Variants in PARD3B observed in about 807,000 individuals in gnomAD.
The protein encoded by PARD3B is par-3 family cell polarity regulator beta.
Under a neutral mutation model 130.2 loss-of-function variants are expected in PARD3B, and 103 were observed. The ratio of observed to expected loss-of-function variants is 0.79; its 90% CI spans 0.67 to 0.93. The LOEUF is 0.93. PARD3B is among the 40% of genes least tolerant of loss of function. PARD3B has a pLI of 0.00. For missense variants in PARD3B, 1,609 were observed against 1,499.2 expected (o/e 1.07, Z -1.21); for synonymous variants, 583 against 553.2 (o/e 1.05, Z -0.76).
At chr2:204,575,793 T>C (rs1215410674) in intron 1 of PARD3B, among the ~76,000 whole-genome samples, 1 of 152,206 alleles carries the variant, frequency 6.6e-6, no homozygotes, top group Admixed American at 6.5e-5. Context: ...AGTTCAGCTT[T>C]TGTGGTCTTG....
intron 20 of PARD3B, among the ~76,000 whole-genome samples, chr2:205,453,577 A>G (rs1373549724): frequency 1.3e-5 from 2 of 152,158 alleles, no homozygotes; most frequent in South Asian, 2.1e-4. Flanking sequence ...AAACTTACCT[A>G]TGGTGACACA....
chr2:205,210,684 G>C (rs968572427), intron 15 of PARD3B, among the ~76,000 whole-genome samples: 1 of 151,978 alleles, frequency 6.6e-6, no homozygotes, highest in African/African-American at 2.4e-5. Flanking sequence ...AGTTTTGCTC[G>C]TATCAGCAGT....
At chr2:204,940,764 T>C (rs901124504) in intron 2 of PARD3B, among the ~76,000 whole-genome samples, 1 of 152,126 alleles carries the variant, frequency 6.6e-6, no homozygotes, top group Non-Finnish European at 1.5e-5. Context: ...GAACTGCTAG[T>C]TGACATTCCA....
chr2:205,602,023 G>A (rs1161584715), intron 22 of PARD3B, among the ~76,000 whole-genome samples: 4 of 152,024 alleles, frequency 2.6e-5, no homozygotes, highest in African/African-American at 7.2e-5. Context: ...TGTGATATAT[G>A]GCTTTTATTA....
chr2:204,694,004 T>C (rs987134663), intron 2 of PARD3B, among the ~76,000 whole-genome samples: 1 of 152,058 alleles, frequency 6.6e-6, no homozygotes. Context: ...TTTGAGGTTT[T>C]GAATAAGCCA....
At chr2:205,154,770 A>G (rs2034001339) in intron 10 of PARD3B, among the ~76,000 whole-genome samples, 1 of 152,212 alleles carries the variant, frequency 6.6e-6, no homozygotes, top group African/African-American at 2.4e-5. Context: ...GCTGGAAACC[A>G]TCATTCTGAG....
chr2:205,504,302 C>T (rs2050267429), intron 21 of PARD3B, among the ~76,000 whole-genome samples: 1 of 152,070 alleles, frequency 6.6e-6, no homozygotes, highest in African/African-American at 2.4e-5. Context: ...AGAAGAAAAC[C>T]TAGGCAATAC....
chr2:205,496,942 G>C (rs1186357399), intron 20 of PARD3B, among the ~76,000 whole-genome samples: 4 of 151,702 alleles, frequency 2.6e-5, no homozygotes, highest in African/African-American at 9.7e-5. Context: ...TGGTGAGTTT[G>C]AACGCAGCTC....
chr2:205,321,469 T>G lies in PARD3B; in HGVS notation c.2630+19768T>G, dbSNP rs1458402508. Among the ~76,000 whole-genome samples, 7 of 152,074 alleles carry G rather than the reference T, an allele frequency of 4.6e-5. No individual in the cohort carries two copies. Among genetic ancestry groups the G allele is most frequent in the Non-Finnish European group, 8.8e-5 (6 of 68,010 alleles). Reference sequence around the variant, plus strand: ...CTCTCTCTCTTTCTCTCTCTTCCTCTCTCTCTTTCCCTCTCTCTCTCTCTC... The same window carrying G: ...CTCTCTCTCTTTCTCTCTCTTCCTCGCTCTCTTTCCCTCTCTCTCTCTCTC... On this transcript the variant is annotated intron_variant, in intron 18 of 22. Coordinates refer to ENST00000406610, the MANE Select transcript of PARD3B (RefSeq NM_001302769.2). The surrounding 1 kb of genome is among the most constrained non-coding windows in gnomAD (Gnocchi z 4.2).
intron 2 of PARD3B, among the ~76,000 whole-genome samples, chr2:204,742,670 T>C (rs2040058255): frequency 6.6e-6 from 1 of 152,230 alleles, no homozygotes; most frequent in Non-Finnish European, 1.5e-5. Flanking sequence ...TAGCACTGTG[T>C]AAACTCATTC....
intron 3 of PARD3B, among the ~76,000 whole-genome samples, chr2:205,001,215 C>T (rs1397813690): frequency 1.3e-5 from 2 of 152,136 alleles, no homozygotes; most frequent in Admixed American, 6.5e-5. Flanking sequence ...TCTCGAACTC[C>T]TGACCTCAGG....
chr2:205,449,185 A>T (rs1214832803), intron 20 of PARD3B, among the ~76,000 whole-genome samples: 1 of 151,456 alleles, frequency 6.6e-6, no homozygotes, highest in Non-Finnish European at 1.5e-5. Context: ...AAAAAAAAAA[A>T]AAGTGTGGGA....
intron 2 of PARD3B, among the ~76,000 whole-genome samples, chr2:204,898,072 A>G (rs2046708657): frequency 6.6e-6 from 1 of 152,044 alleles, no homozygotes; most frequent in Admixed American, 6.5e-5. Flanking sequence ...TACACTGTAT[A>G]CTTTAAAATG....
At chr2:204,911,396 A>G (rs1357036844) in intron 2 of PARD3B, among the ~76,000 whole-genome samples, 2 of 152,222 alleles carry the variant, frequency 1.3e-5, no homozygotes, top group East Asian at 3.9e-4. Flanking sequence ...CACCTGACTA[A>G]CAAATTGTAT....
Position 205,274,205 on chromosome 2 carries a change from A to T in PARD3B, c.2186-26325A>T, listed in dbSNP as rs1412323095. The stretch of plus-strand genomic sequence containing the variant: ...TTCATATATATTATAACCTCTGAAG[A>T]GAATTTAGTACCTATATTCTTTCTA... On this transcript the variant is annotated intron_variant, in intron 16 of 22. Coordinates refer to ENST00000406610, the MANE Select transcript of PARD3B (RefSeq NM_001302769.2). The surrounding 1 kb of genome is among the most constrained non-coding windows in gnomAD (Gnocchi z 4.2). Among the ~76,000 whole-genome samples the T allele has an allele frequency of 6.6e-6, 1 of 152,106 alleles. No individual in the cohort carries two copies. The highest frequency in any genetic ancestry group is 1.5e-5 in the Non-Finnish European group (1 of 68,026).
intron 18 of PARD3B, among the ~76,000 whole-genome samples, chr2:205,395,076 C>T (rs1257351968): frequency 1.3e-5 from 2 of 152,194 alleles, no homozygotes; most frequent in Non-Finnish European, 2.9e-5. Flanking sequence ...ACCTCTCACT[C>T]TCTTTTCCTT....
chr2:204,671,561 ACTTC>A (rs1420688208), intron 1 of PARD3B, among the ~76,000 whole-genome samples: 5 of 152,006 alleles, frequency 3.3e-5, no homozygotes. Context: ...AGAAGTCATT[ACTTC>A]CTTGTCTTTC....
At chr2:205,554,053 G>C (rs1478541325) in intron 22 of PARD3B, among the ~76,000 whole-genome samples, 2 of 152,182 alleles carry the variant, frequency 1.3e-5, no homozygotes, top group African/African-American at 2.4e-5. Context: ...AGGAATTTTA[G>C]TTTGCTATCA....
intron 1 of PARD3B, among the ~76,000 whole-genome samples, chr2:204,637,994 A>C (rs896841376): frequency 3.3e-5 from 5 of 152,166 alleles, no homozygotes; most frequent in African/African-American, 1.2e-4. Flanking sequence ...TTACGGCATT[A>C]TCCCTGGTAA....
Sources: gnomAD v4.1 joint callset for allele counts (sites outside exome capture counted in the v4.1 genomes callset) on GRCh38, gnomAD v4.1.1 for gene constraint, Gnocchi (gnomAD v3.1) non-coding constraint, MANE v1.5 for transcripts, NCBI Gene and HGNC (gene_info 2026-07-23, HGNC 2026-07-21) for gene names.